Variants in IL4I1 observed in about 807,000 individuals in gnomAD.
IL4I1 encodes the protein interleukin 4 induced 1, also known as L-amino-acid oxidase.
A neutral mutation model predicts 29.7 loss-of-function variants in IL4I1; 24 were observed. The observed-to-expected ratio is 0.81, with a 90% confidence interval of 0.59 to 1.14. IL4I1 has a LOEUF of 1.14. Ranked by LOEUF, IL4I1 falls within the 50% of genes most tolerant of loss-of-function variation. The probability of loss-of-function intolerance (pLI) is 0.00; values close to 1 mark genes in which losing one functional copy is unlikely to be tolerated. For missense variants in IL4I1, 686 were observed against 785.6 expected, an observed-to-expected ratio of 0.87 and a Z score of 1.52; for synonymous variants, 371 against 352.5, an observed-to-expected ratio of 1.05 and a Z score of -0.59.
In IL4I1 at chr19:49,921,444, A is replaced by G. The variant is rs190140376; in HGVS notation, c.-228+6250T>C. ...GGCCATCTCCATGACCTTCCAGACC[A>G]GCCTGGGCTTCACTCTCAAATCCAA... On this transcript the variant is annotated intron_variant, in intron 2 of 9. Transcript: ENST00000341114. This position sits in a 1 kb window ranked among gnomAD's most constrained non-coding sequence, Gnocchi z 5.4. 3.7e-3 allele frequency among the ~76,000 whole-genome samples: 560 copies of G among 152,192 alleles called. 23 individuals are homozygous for G. The highest frequency in any genetic ancestry group is 0.029 in the Admixed American group (447 of 15,302).
At chr19:49,902,162 G>A (rs1179857723) in intron 3 of IL4I1, among the ~76,000 whole-genome samples, 1 of 152,014 alleles carries the variant, frequency 6.6e-6, no homozygotes, top group East Asian at 1.9e-4. Context: ...ACCATGCCCA[G>A]CTAATTTTCG....
intron 2 of IL4I1, chr19:49,909,032 T>C: frequency 6.2e-7 from 1 of 1,613,092 alleles, no homozygotes; most frequent in Non-Finnish European, 8.5e-7. Context: ...TCCAGGTGCC[T>C]TTAAGCTGAA....
intron 2 of IL4I1, among the ~76,000 whole-genome samples, chr19:49,922,773 C>A (rs953072414): frequency 2.6e-5 from 4 of 152,132 alleles, no homozygotes; most frequent in Non-Finnish European, 5.9e-5. Flanking sequence ...ACCACCAGCG[C>A]TGCCAGTGTT....
chr19:49,914,150 G>C (rs1350143481), intron 2 of IL4I1, among the ~76,000 whole-genome samples: 1 of 151,950 alleles, frequency 6.6e-6, no homozygotes, highest in African/African-American at 2.4e-5. Context: ...GGAGTTTGAG[G>C]CAAAAAACAA....
chr19:49,927,423 G>T (rs2075926138), intron 2 of IL4I1, among the ~76,000 whole-genome samples: 1 of 152,112 alleles, frequency 6.6e-6, no homozygotes, highest in Non-Finnish European at 1.5e-5. Context: ...GCATGTTTTG[G>T]TAAGGTTTAC....
intron 2 of IL4I1, chr19:49,908,281 C>T (rs371693868): frequency 4.8e-5 from 78 of 1,613,794 alleles, no homozygotes; most frequent in Non-Finnish European, 6.4e-5. Context: ...GCTCCTTGCG[C>T]CGGCCCTCGC....
At chr19:49,890,888 G>T in intron 7 of IL4I1, 83 bp downstream of exon 7, 1 of 1,173,126 alleles carries the variant, frequency 8.5e-7, no homozygotes, top group Non-Finnish European at 1.2e-6. Flanking sequence ...CCCGCCCCCA[G>T]ACCCAGAGGC....
chr19:49,910,377 A>G (rs1424500139), intron 2 of IL4I1, among the ~76,000 whole-genome samples: 2 of 152,058 alleles, frequency 1.3e-5, no homozygotes, highest in South Asian at 2.1e-4. Context: ...GCTGGATGGC[A>G]GGGTCTGGGT....
intron 2 of IL4I1, among the ~76,000 whole-genome samples, chr19:49,922,396 T>G (rs1047095951): frequency 3.9e-5 from 6 of 152,084 alleles, no homozygotes; most frequent in African/African-American, 1.4e-4. Flanking sequence ...AAGGATTCTT[T>G]AGGCCTCCTC....
At chr19:49,907,742 G>T (rs1345088320) in intron 2 of IL4I1, 2 of 339,816 alleles carry the variant, frequency 5.9e-6, no homozygotes, top group East Asian at 1.7e-4. Flanking sequence ...CACCATGTTG[G>T]CCAGGCTGGT....
At chr19:49,897,309 A>G (rs368128596), upstream of IL4I1, among the ~76,000 whole-genome samples, 13 of 152,224 alleles carry the variant, frequency 8.5e-5, no homozygotes, top group East Asian at 1.2e-3. Context: ...CATGTCCTGC[A>G]GGGCCCCCCA....
intron 2 of IL4I1, among the ~76,000 whole-genome samples, chr19:49,911,635 A>T (rs3786664): frequency 0.13 from 19,910 of 152,130 alleles, 1,397 homozygotes; most frequent in Middle Eastern, 0.17. Flanking sequence ...CAGCCAAGCA[A>T]GCCTGGGGAG....
chr19:49,914,735 T>TTTG (rs2075579106), intron 2 of IL4I1, among the ~76,000 whole-genome samples: 3 of 111,696 alleles, frequency 2.7e-5, no homozygotes, highest in Non-Finnish European at 5.3e-5. Flanking sequence ...AGTTTTTTTT[T>TTTG]TTTTTTTTTT....
chr19:49,897,484 A>G (rs115995886), upstream of IL4I1, among the ~76,000 whole-genome samples: 79,725 of 151,836 alleles, frequency 0.53, 21,432 homozygotes, highest in South Asian at 0.64. Context: ...TGACGTCTAC[A>G]GACGTCACAG....
chr19:49,917,732 T>C (rs1005471374), intron 2 of IL4I1: 1 of 152,180 alleles, frequency 6.6e-6, no homozygotes, highest in African/African-American at 2.4e-5. Context: ...CCAACCCCAT[T>C]GGTAGAAAAC....
At chr19:49,910,885 G>A (rs1304764522) in intron 2 of IL4I1, among the ~76,000 whole-genome samples, 1 of 152,204 alleles carries the variant, frequency 6.6e-6, no homozygotes, top group African/African-American at 2.4e-5. Flanking sequence ...GAAAGGGTGA[G>A]AGGGAGTGCT....
At chr19:49,892,999 G>C (rs1412630987) in intron 5 of IL4I1, among the ~76,000 whole-genome samples, 3 of 152,170 alleles carry the variant, frequency 2.0e-5, no homozygotes, top group Non-Finnish European at 4.4e-5. Flanking sequence ...ATTCTGGAAA[G>C]GGAGGGTGAT....
intron 3 of IL4I1, among the ~76,000 whole-genome samples, chr19:49,903,819 A>C (rs1033873649): frequency 7.7e-6 from 1 of 130,394 alleles, no homozygotes; most frequent in African/African-American, 2.9e-5. Flanking sequence ...TTATACTGTT[A>C]TATGTGCTGG....
chr19:49,915,220 T>C (rs1473621401), intron 2 of IL4I1, among the ~76,000 whole-genome samples: 3 of 152,110 alleles, frequency 2.0e-5, no homozygotes, highest in Non-Finnish European at 2.9e-5. Context: ...ACCCTGTCAA[T>C]GTGACCTTAC....
Sources: allele counts gnomAD v4.1 joint callset (sites outside exome capture counted in the v4.1 genomes callset), GRCh38; gene constraint gnomAD v4.1.1; non-coding constraint Gnocchi (gnomAD v3.1); transcripts MANE v1.5; gene names NCBI Gene and HGNC (gene_info 2026-07-23, HGNC 2026-07-21).